Variants in AKAP19 observed in about 807,000 individuals in gnomAD.
AKAP19 encodes A-kinase anchoring protein 19.
the AKAP19 span, among the ~76,000 whole-genome samples, chr2:190,068,534 T>C: frequency 1.3e-5 from 2 of 152,192 alleles, no homozygotes; most frequent in African/African-American, 2.4e-5. Flanking sequence ...TTTTGCCATG[T>C]TGGCTAGGCT....
At chr2:189,912,361 C>T in the AKAP19 span, among the ~76,000 whole-genome samples, 1 of 151,856 alleles carries the variant, frequency 6.6e-6, no homozygotes, top group Non-Finnish European at 1.5e-5. Flanking sequence ...GCCAACATGA[C>T]GAAACCCTTT....
At chr2:189,990,416 T>C in the AKAP19 span, among the ~76,000 whole-genome samples, 1 of 152,214 alleles carries the variant, frequency 6.6e-6, no homozygotes, top group Non-Finnish European at 1.5e-5. Flanking sequence ...ATTCTATTAG[T>C]ATAGTATATT....
At chr2:189,917,505 C>T in the AKAP19 span, 1 of 629,470 alleles carries the variant, frequency 1.6e-6, no homozygotes, top group Non-Finnish European at 2.8e-6. Context: ...TTCAGGGGCT[C>T]TTCTGCTTTC....
chr2:190,160,253 G>A, the AKAP19 span, among the ~76,000 whole-genome samples: 1 of 152,118 alleles, frequency 6.6e-6, no homozygotes, highest in Admixed American at 6.5e-5. Flanking sequence ...TTTATGGGCT[G>A]CTATTGGACA....
chr2:189,944,352 G>A, the AKAP19 span, among the ~76,000 whole-genome samples: 1 of 152,068 alleles, frequency 6.6e-6, no homozygotes, highest in Admixed American at 6.5e-5. Flanking sequence ...TGATGTACCT[G>A]TTCCCGTTTG....
chr2:190,038,910 C>CTTTCT, the AKAP19 span, among the ~76,000 whole-genome samples: 48 of 105,212 alleles, frequency 4.6e-4, no homozygotes, highest in African/African-American at 2.7e-3. Flanking sequence ...CTTTCTTCTT[C>CTTTCT]TTCTTCTTCT....
chr2:189,937,094 G>A, the AKAP19 span, among the ~76,000 whole-genome samples: 50 of 152,222 alleles, frequency 3.3e-4, no homozygotes, highest in East Asian at 8.7e-3. Flanking sequence ...ATGATCATGC[G>A]ACTGTACTCC....
the AKAP19 span, among the ~76,000 whole-genome samples, chr2:189,940,434 GA>G: frequency 9.3e-5 from 14 of 150,600 alleles, no homozygotes; most frequent in South Asian, 2.1e-4. Context: ...CAACGGGGGG[GA>G]AAAAAAGAAA....
At chr2:189,962,258 A>C in the AKAP19 span, among the ~76,000 whole-genome samples, 1 of 152,180 alleles carries the variant, frequency 6.6e-6, no homozygotes, top group African/African-American at 2.4e-5. Flanking sequence ...TCTGGGAGGA[A>C]TAGGCTCTCT....
the AKAP19 span, among the ~76,000 whole-genome samples, chr2:190,149,698 T>G: frequency 6.6e-6 from 1 of 152,204 alleles, no homozygotes; most frequent in Non-Finnish European, 1.5e-5. Context: ...TTGATATAAT[T>G]TCAGTTTTCT....
the AKAP19 span, among the ~76,000 whole-genome samples, chr2:189,998,251 G>A: frequency 6.6e-6 from 1 of 152,098 alleles, no homozygotes; most frequent in Non-Finnish European, 1.5e-5. Flanking sequence ...AAAAGTCCAT[G>A]GTGTCAGTCT....
At chr2:190,015,282 G>A in the AKAP19 span, among the ~76,000 whole-genome samples, 1 of 152,170 alleles carries the variant, frequency 6.6e-6, no homozygotes, top group South Asian at 2.1e-4. Flanking sequence ...AAATCTATAT[G>A]GAGGTTCCCA....
chr2:190,055,965 A>G, the AKAP19 span: 2 of 152,562 alleles, frequency 1.3e-5, no homozygotes, highest in Non-Finnish European at 2.9e-5. Context: ...ATGTTTTTGC[A>G]AGTATTAAAA....
the AKAP19 span, among the ~76,000 whole-genome samples, chr2:189,969,868 TC>T: frequency 1.4e-4 from 19 of 136,258 alleles, no homozygotes; most frequent in Non-Finnish European, 2.7e-4. Flanking sequence ...TTCTTCTTCT[TC>T]TTTTTTTTTT....
chr2:190,138,516 T>C, the AKAP19 span, among the ~76,000 whole-genome samples: 7 of 152,214 alleles, frequency 4.6e-5, no homozygotes, highest in African/African-American at 1.7e-4. Context: ...TTGCATTCAG[T>C]CAACAATGCA....
the AKAP19 span, among the ~76,000 whole-genome samples, chr2:189,892,156 C>T: frequency 2.6e-5 from 4 of 151,880 alleles, no homozygotes; most frequent in African/African-American, 7.3e-5. Flanking sequence ...TGGTTCTTAG[C>T]GTCCGTGCAT....
chr2:190,165,201 C>T, the AKAP19 span, among the ~76,000 whole-genome samples: 15 of 152,242 alleles, frequency 9.9e-5, no homozygotes, highest in Non-Finnish European at 2.1e-4. Context: ...CTTTGGGAGG[C>T]TGAGGCAGGT....
the AKAP19 span, among the ~76,000 whole-genome samples, chr2:190,161,288 A>C: frequency 6.6e-6 from 1 of 152,124 alleles, no homozygotes; most frequent in African/African-American, 2.4e-5. Flanking sequence ...TATTTGCCTT[A>C]ATCAGTCCTA....
the AKAP19 span, among the ~76,000 whole-genome samples, chr2:189,949,885 C>T: frequency 2.1e-4 from 32 of 151,610 alleles, no homozygotes; most frequent in African/African-American, 7.0e-4. Flanking sequence ...CTGCCTCGAC[C>T]TCCCAAAGTG....
Sources: allele counts gnomAD v4.1 joint callset (sites outside exome capture counted in the v4.1 genomes callset), GRCh38; gene constraint gnomAD v4.1.1; transcripts MANE v1.5; gene names NCBI Gene and HGNC (gene_info 2026-07-23, HGNC 2026-07-21).